IRS4: variants seen among roughly 807,000 people sequenced by gnomAD.
IRS4 encodes insulin receptor substrate 4.
IRS4 carries 15 observed loss-of-function variants against 48.6 expected under a neutral mutation model. The ratio of observed to expected loss-of-function variants is 0.31; its 90% CI spans 0.21 to 0.48. The LOEUF is 0.48. Among genes scored for constraint, IRS4 ranks in the 20% least tolerant of loss-of-function variants. The pLI is 0.99. For synonymous variants in IRS4, 459 were observed against 413.2 expected (o/e 1.11, Z -1.34); for missense variants, 987 against 1,023.4 (o/e 0.96, Z 0.49).
rs1603336585 is a variant in IRS4, at chrX:108,734,794, C to T, written c.1551G>A (p.Ser517=). The change falls in exon 1 of 2, where the codon TCG becomes TCA. Residue 517 remains serine, a synonymous_variant. Coordinates refer to ENST00000372129, the MANE Select transcript of IRS4 (RefSeq NM_001379150.1). The part of the protein sequence containing the change: ...SNGQGSSSHS[S]GGNQCSGEGQ... Reference sequence around the variant, plus strand: ...CCTCGCCTGAACACTGGTTTCCTCCCGAGCTATGGCTACTGGAGCCTTGGC... The same window carrying T: ...CCTCGCCTGAACACTGGTTTCCTCCTGAGCTATGGCTACTGGAGCCTTGGC... 1.7e-6 allele frequency: 2 copies of T among 1,211,453 alleles called. No homozygotes were observed. The highest frequency in any genetic ancestry group is 1.8e-5 in the South Asian group (1 of 56,957).
rs1475912699 is a variant in IRS4 at position 108,733,371 on chromosome X, T to C, written c.2974A>G (p.Ser992Gly). ...IPRANPLSLD[S>G]ARWPLPPLPL... is the part of the protein sequence containing the mutation. ...AGGGGAGGAAGTGGCCACCTAGCAC[T>C]GTCCAGAGATAAGGGGTTGGCACGT... The change falls in exon 1 of 2, where the codon AGT becomes GGT. Residue 992 changes from serine to glycine, a missense_variant. By Grantham distance (56) the Ser-to-Gly change is moderately conservative. Coordinates refer to ENST00000372129, the MANE Select transcript of IRS4 (RefSeq NM_001379150.1). The C allele has an allele frequency of 8.3e-7, 1 of 1,210,073 alleles. No homozygotes were observed.
In IRS4 at chrX:108,735,847, G is replaced by A; in HGVS notation, c.498C>T (p.His166=). The change falls in exon 1 of 2, where the codon CAC becomes CAT. Residue 166 remains histidine (H), a synonymous_variant. Coordinates refer to ENST00000372129, the MANE Select transcript of IRS4 (RefSeq NM_001379150.1). ...CGTCTTGGGTGAAAAGAGCAATGAG[G>A]TGTCGGTACCTTGCATCTGCTCGCT... ...VSQRADARYR[H]LIALFTQDEY... is the part of the protein sequence containing the mutation. The A allele has an allele frequency of 8.3e-7, 1 of 1,209,314 alleles. No individual in the cohort carries two copies. The highest frequency in any genetic ancestry group is 1.1e-6 in the Non-Finnish European group (1 of 894,298).
chrX:108,723,143 C>G (rs771114144), intron 1 of IRS4: 2 of 111,016 alleles, frequency 1.8e-5, no homozygotes, highest in Non-Finnish European at 3.8e-5. Context: ...AGGTGCTGGA[C>G]CAGAGAAGGG....
chrX:108,721,758 CG>C lies in IRS4; in HGVS notation c.*760del, dbSNP rs769111315. 9.0e-5 allele frequency: 10 copies of C among 111,586 alleles called. No homozygotes were observed. Among genetic ancestry groups the C allele is most frequent in the African/African-American group, 3.2e-4 (10 of 30,793 alleles). The allele number at this position is 111,586 out of a possible 1,213,427, so 9.2% of individuals were successfully genotyped here. ...AATAATAGGTTTGGAAATACTCAATCGATTTTCAGGCAGAACATCACAGTGT... is the reference window on the plus strand; with the variant it reads ...AATAATAGGTTTGGAAATACTCAATCATTTTCAGGCAGAACATCACAGTGT... On this transcript the variant is annotated 3_prime_UTR_variant, in exon 2 of 2. Coordinates refer to ENST00000372129, the MANE Select transcript of IRS4 (RefSeq NM_001379150.1).
Position 108,734,992 on chromosome X carries a change from G to A in IRS4, c.1353C>T (p.Asn451=), listed in dbSNP as rs1193643527. 5.0e-6 allele frequency: 6 copies of A among 1,212,008 alleles called. No individual in the cohort carries two copies. The South Asian group carries it at 7.0e-5, about 14-fold the overall frequency. Residue 451 remains asparagine (N), a synonymous_variant, in exon 1 of 2, where the codon AAC becomes AAT. Transcript: ENST00000372129. ...ARPRHPAEAP[N]NGARLSSEVS... ...CTTCAGAAGACAGGCGAGCTCCATT[G>A]TTCGGGGCTTCTGCAGGGTGCCGGG...
chrX:108,722,922 A>G (rs1171269779), intron 1 of IRS4: 3 of 117,053 alleles, frequency 2.6e-5, no homozygotes, highest in African/African-American at 9.6e-5. Flanking sequence ...ATGTGGCACA[A>G]GTCATAGGAT....
rs775993583 is a variant in IRS4, at chrX:108,735,927, G to T, written c.418C>A (p.Pro140Thr). Residue 140 changes from proline (P) to threonine (T), a missense_variant, in exon 1 of 2, where the codon CCG (proline) becomes ACG (threonine). By Grantham distance (38) the Pro-to-Thr change is conservative. This residue lies in a region of IRS4 where 173 missense variants were observed against 208.9 expected (regional missense o/e 0.83). Coordinates refer to ENST00000372129, the MANE Select transcript of IRS4 (RefSeq NM_001379150.1). ...AAAASGAAIP[P>T]LIPPRRVITL... The stretch of plus-strand genomic sequence containing the variant: ...ATCACGCGCCGCGGTGGAATGAGCG[G>T]GGGGATCGCGGCGCCAGAGGCGGCC... The T allele has an allele frequency of 3.3e-4, 396 of 1,206,333 alleles. 7 individuals are homozygous for T. In the South Asian group the frequency reaches 6.6e-3, roughly 20 times the overall value.
At position 108,736,443 on chromosome X, in the gene IRS4, G is replaced by C; in HGVS notation, c.-99C>G. On this transcript the variant is annotated 5_prime_UTR_variant, in exon 1 of 2. Transcript: ENST00000372129. ...TGTCTACCCTCGTCTGCCCGCCCCA[G>C]CCCCCTCCTGCCTTGGCCCGCGCCC... 8.8e-7 allele frequency: 1 copy of C among 1,142,235 alleles called. No homozygotes were observed. Among genetic ancestry groups the C allele is most frequent in the Non-Finnish European group, 1.2e-6 (1 of 854,075 alleles). 94.1% of individuals were successfully genotyped at this position (1,142,235 alleles called of 1,213,427 possible). A position where few individuals can be genotyped will look rare whatever the true frequency, so the allele number is the denominator to read the frequency against.
In IRS4 at chrX:108,734,578, C is replaced by G. The variant is rs138076182; in HGVS notation, c.1767G>C (p.Gly589=). ...GHGSGGGKNS[G]GGKGSGSGKG... is the part of the protein sequence containing the mutation. ...TCCCACTTCCTGAGCCTTTGCCCCC[C>G]CCAGAGTTCTTGCCACCACCTGAGC... Residue 589 remains glycine, a synonymous_variant, in exon 1 of 2, where the codon GGG becomes GGC. Transcript: ENST00000372129. 1.2e-5 allele frequency: 15 copies of G among 1,211,804 alleles called. No individual in the cohort carries two copies. Among genetic ancestry groups the G allele is most frequent in the Non-Finnish European group, 1.7e-5 (15 of 895,524 alleles).
chrX:108,728,600 G>A (rs958803242), intron 1 of IRS4, among the ~76,000 whole-genome samples: 3 of 112,020 alleles, frequency 2.7e-5, no homozygotes, highest in African/African-American at 9.7e-5. Flanking sequence ...AATAATGAAT[G>A]TGAATGTGCT....
Position 108,734,097 on chromosome X carries a change from C to T in IRS4, c.2248G>A (p.Val750Met). ...SRGYMMMFPR[V>M]SPPPAPSPPK... ...GGACTCGGAGCAGGTGGTGGGCTCA[C>T]TCTGGGAAACATCATCATGTACCCT... The change falls in exon 1 of 2, where the codon GTG (valine) becomes ATG (methionine). Residue 750 changes from valine (V) to methionine (M), a missense_variant. Val to Met is a conservative substitution (Grantham distance 21). Around this residue, in one of 4 missense-constraint regions of IRS4, gnomAD observed 720 missense variants for 660.3 expected, o/e 1.09. Transcript: ENST00000372129. 2.5e-6 allele frequency: 3 copies of T among 1,211,513 alleles called. 1 individual carries two copies. Among genetic ancestry groups the T allele is most frequent in the Non-Finnish European group, 3.4e-6 (3 of 895,490 alleles).
At position 108,733,554 on chromosome X, in the gene IRS4, T is replaced by C. The variant is rs2068922404; in HGVS notation, c.2791A>G (p.Ser931Gly). ...TGAGTAGAGGGAGCTGGTGTATTGC[T>C]CTCTCTTTTAGTGAAGTCCATGTTG... ...YVNMDFTKRE[S>G]NTPAPSTQGL... Residue 931 changes from serine (S) to glycine (G), a missense_variant, in exon 1 of 2, where the codon AGC becomes GGC. This residue lies in a region of IRS4 where 720 missense variants were observed against 660.3 expected (regional missense o/e 1.09). Transcript: ENST00000372129. 8.2e-7 allele frequency: 1 copy of C among 1,212,138 alleles called. No individual in the cohort carries two copies. The highest frequency in any genetic ancestry group is 3.0e-5 in the East Asian group (1 of 33,869).
At chrX:108,732,551 T>C (rs2068908127) in intron 1 of IRS4, 28 bp downstream of exon 1, 7 of 1,210,421 alleles carry the variant, frequency 5.8e-6, no homozygotes, top group Non-Finnish European at 7.8e-6. Flanking sequence ...CCATTCACTT[T>C]AGGGAAATTA....
At position 108,735,221 on chromosome X, in the gene IRS4, G is replaced by A. The variant is rs1294736141; in HGVS notation, c.1124C>T (p.Ser375Phe). 1.7e-6 allele frequency: 2 copies of A among 1,211,560 alleles called. No individual in the cohort carries two copies. Among genetic ancestry groups the A allele is most frequent in the Admixed American group, 2.2e-5 (1 of 46,038 alleles). The change falls in exon 1 of 2, where the codon TCC becomes TTC. Residue 375 changes from serine to phenylalanine, a missense_variant. This residue lies in a region of IRS4 where 74 missense variants were observed against 100.4 expected (regional missense o/e 0.74). Coordinates refer to ENST00000372129, the MANE Select transcript of IRS4 (RefSeq NM_001379150.1). ...PLEPGGWLRR[S>F]RFEQFCHLRA... ...GAGGTGGCAAAACTGCTCAAAGCGG[G>A]ACCTTCTGAGCCAGCCTCCCGGCTC...
rs1015888477 is a variant in IRS4 at position 108,734,850 on chromosome X, G to A, written c.1495C>T (p.Arg499Trp). The change falls in exon 1 of 2, where the codon CGG (arginine) becomes TGG (tryptophan). Residue 499 changes from arginine to tryptophan, a missense_variant. This residue lies in a region of IRS4 where 720 missense variants were observed against 660.3 expected (regional missense o/e 1.09). Transcript: ENST00000372129. ...PMNNWGSGNGRGSGGGQGSNG... is the reference protein window; with the variant it reads ...PMNNWGSGNGWGSGGGQGSNG... ...GAGCCCTGGCCACCTCCTGAGCCCC[G>A]GCCATTTCCTGAGCCCCAATTGTTC... 31 of 1,210,111 alleles carry A rather than the reference G, an allele frequency of 2.6e-5. 1 individual carries two copies. Among genetic ancestry groups the A allele is most frequent in the Admixed American group, 8.7e-5 (4 of 45,827 alleles).
At chrX:108,731,626 A>T (rs1263133323) in intron 1 of IRS4, among the ~76,000 whole-genome samples, 1 of 111,316 alleles carries the variant, frequency 9.0e-6, no homozygotes, top group Non-Finnish European at 1.9e-5. Flanking sequence ...CCCTTTAAAA[A>T]CTTCCACCAT....
In IRS4 at chrX:108,734,455, A is replaced by G. The variant is rs1341988808; in HGVS notation, c.1890T>C (p.Pro630=). Residue 630 remains proline (P), a synonymous_variant, in exon 1 of 2, where the codon CCT becomes CCC. Transcript: ENST00000372129. ...TQSKQQQMPP[P]PPPPPPPPPA... ...GTGGGGGTGGAGGAGGAGGTGGTGGAGGTGGTGGCATTTGCTGTTGCTTGC... is the reference window on the plus strand; with the variant it reads ...GTGGGGGTGGAGGAGGAGGTGGTGGGGGTGGTGGCATTTGCTGTTGCTTGC... 1 of 1,211,469 alleles carries G rather than the reference A, an allele frequency of 8.3e-7. No homozygotes were observed. The highest frequency in any genetic ancestry group is 2.2e-5 in the Admixed American group (1 of 46,050).
rs768351650 is a variant in IRS4 at position 108,722,025 on chromosome X, G to A, written c.*494C>T. The A allele has an allele frequency of 9.0e-6, 1 of 111,692 alleles. No individual in the cohort carries two copies. The highest frequency in any genetic ancestry group is 9.5e-5 in the Admixed American group (1 of 10,540). 9.2% of individuals were successfully genotyped at this position (111,692 alleles called of 1,213,427 possible). ...GAAATGTTTTGTGTGTGTAATACTC[G>A]GAAAAAAGATTCCAGATCATACCTT... On this transcript the variant is annotated 3_prime_UTR_variant, in exon 2 of 2. Coordinates refer to ENST00000372129, the MANE Select transcript of IRS4 (RefSeq NM_001379150.1).
chrX:108,723,776 T>C (rs1282524820), intron 1 of IRS4: 1 of 111,962 alleles, frequency 8.9e-6, no homozygotes, highest in Non-Finnish European at 1.9e-5. Context: ...CATAGATTAG[T>C]AAAGGTATTA....
Sources: gnomAD v4.1 joint callset for allele counts (sites outside exome capture counted in the v4.1 genomes callset) on GRCh38, gnomAD v4.1.1 for gene constraint, gnomAD v4.1.1 regional missense constraint, MANE v1.5 for transcripts, NCBI Gene and HGNC (gene_info 2026-07-23, HGNC 2026-07-21) for gene names.